Variants in MEIS2 observed in about 807,000 individuals in gnomAD.
MEIS2 encodes homeobox protein Meis2.
MEIS2 carries 9 observed loss-of-function variants against 58.6 expected under a neutral mutation model. The observed-to-expected ratio is 0.15, with a 90% CI of 0.09 to 0.27. The LOEUF (loss-of-function observed/expected upper bound fraction) is 0.27. Among genes scored for constraint, MEIS2 ranks in the 10% least tolerant of loss-of-function variants. The pLI is 1.00. For synonymous variants in MEIS2, 221 were observed against 228.4 expected (o/e 0.97, Z 0.29); for missense variants, 427 against 635.0 (o/e 0.67, Z 3.52).
chr15:36,917,298 T>G (rs1316866415), intron 9 of MEIS2, among the ~76,000 whole-genome samples: 3 of 152,198 alleles, frequency 2.0e-5, no homozygotes, highest in Non-Finnish European at 4.4e-5. Flanking sequence ...TATCTAAATT[T>G]GAAAGCCAGT....
At chr15:36,948,092 C>T (rs1030425544) in intron 9 of MEIS2, among the ~76,000 whole-genome samples, 8 of 151,680 alleles carry the variant, frequency 5.3e-5, no homozygotes, top group Non-Finnish European at 1.2e-4. Flanking sequence ...AGACTTGGAC[C>T]CGAGGGCAGG....
In MEIS2 at chr15:37,098,074, G is replaced by C; in HGVS notation, c.138C>G (p.His46Gln). The C allele has an allele frequency of 6.2e-7, 1 of 1,613,850 alleles. No individual in the cohort carries two copies. The highest frequency in any genetic ancestry group is 2.2e-5 in the East Asian group (1 of 44,872). ...CGTGCGCGCCGTAGTGCTGTGTGGC[G>C]TGGAGCGGCGGCCCGTGGTTCAGGT... ...VHHLNHGPPL[H>Q]ATQHYGAHAP... Residue 46 changes from histidine to glutamine, a missense_variant, in exon 2 of 12, where the codon CAC (histidine) becomes CAG (glutamine). By Grantham distance (24) the His-to-Gln change is conservative. This residue lies in a region of MEIS2 where 103 missense variants were observed against 111.8 expected (regional missense o/e 0.92). Coordinates refer to ENST00000561208, the MANE Select transcript of MEIS2 (RefSeq NM_170675.5).
chr15:37,092,174 C>T (rs1893605135), intron 6 of MEIS2, among the ~76,000 whole-genome samples: 1 of 152,214 alleles, frequency 6.6e-6, no homozygotes, highest in African/African-American at 2.4e-5. Context: ...TTCAACACCG[C>T]AGTATTTATT....
At chr15:36,999,020 T>C (rs1031747456) in intron 8 of MEIS2, among the ~76,000 whole-genome samples, 1 of 152,230 alleles carries the variant, frequency 6.6e-6, no homozygotes, top group Admixed American at 6.5e-5. Flanking sequence ...TGGCTCTTTC[T>C]TCATCTTCAG....
chr15:36,921,042 G>A (rs147660660), intron 9 of MEIS2, among the ~76,000 whole-genome samples: 6 of 152,080 alleles, frequency 3.9e-5, no homozygotes, highest in African/African-American at 1.4e-4. Context: ...TTTTAACCTC[G>A]AAGAGCCAAA....
At chr15:37,060,709 C>T (rs28571575) in intron 7 of MEIS2, among the ~76,000 whole-genome samples, 6,759 of 152,182 alleles carry the variant, frequency 0.044, 212 homozygotes, top group Non-Finnish European at 0.055. Context: ...TTTATGATCT[C>T]GTAATGATTC....
In MEIS2 at chr15:36,896,232, A is replaced by G. The variant is rs563771044; in HGVS notation, c.1036+396T>C. On this transcript the variant is annotated intron_variant, in intron 10 of 11. Transcript: ENST00000561208. ...TAGCCAAAGCAAATGAATGGATACA[A>G]TAAGTTTAACAGCAGATGCTACAGA... Among the ~76,000 whole-genome samples, 5 of 152,352 alleles carry G rather than the reference A, an allele frequency of 3.3e-5. No homozygotes were observed. In the South Asian group the frequency reaches 1.0e-3, roughly 32 times the overall value.
At chr15:37,070,753 A>T (rs559323078) in intron 7 of MEIS2, among the ~76,000 whole-genome samples, 56 of 152,256 alleles carry the variant, frequency 3.7e-4, no homozygotes, top group African/African-American at 1.3e-3. Flanking sequence ...AAAAATTTAT[A>T]AAAATGTGCC....
chr15:36,982,709 T>C (rs1378514454), intron 8 of MEIS2, among the ~76,000 whole-genome samples: 1 of 152,180 alleles, frequency 6.6e-6, no homozygotes, highest in Non-Finnish European at 1.5e-5. Context: ...CTATTTTTAA[T>C]TTTTCTGAGG....
intron 8 of MEIS2, among the ~76,000 whole-genome samples, chr15:37,022,989 C>T (rs2141680692): frequency 6.6e-6 from 1 of 152,196 alleles, no homozygotes; most frequent in East Asian, 1.9e-4. Flanking sequence ...TTGTACAATG[C>T]TTTATTTATT....
rs74008814 is a variant in MEIS2 at position 36,933,860 on chromosome 15, G to C, written c.977+16464C>G. Among the ~76,000 whole-genome samples, 1,209 of 152,254 alleles carry C rather than the reference G, an allele frequency of 7.9e-3. 11 individuals carry two copies. Among genetic ancestry groups the C allele is most frequent in the African/African-American group, 0.026 (1,077 of 41,546 alleles). On this transcript the variant is annotated intron_variant, in intron 9 of 11. Coordinates refer to ENST00000561208, the MANE Select transcript of MEIS2 (RefSeq NM_170675.5). ...TAGGAAACTAAGTCTTGTTGGTAAA[G>C]TGCTCTTCTAATTGGTGCGATACAA... is the stretch of plus-strand genomic sequence containing the variant.
chr15:37,092,070 T>C (rs961414733), intron 6 of MEIS2, among the ~76,000 whole-genome samples: 1 of 152,194 alleles, frequency 6.6e-6, no homozygotes, highest in Non-Finnish European at 1.5e-5. Flanking sequence ...ATCCTTTTGA[T>C]TTCATTACAT....
At chr15:36,902,181 C>T (rs968973190) in intron 9 of MEIS2, among the ~76,000 whole-genome samples, 3 of 152,186 alleles carry the variant, frequency 2.0e-5, no homozygotes, top group Non-Finnish European at 2.9e-5. Flanking sequence ...AGTCAAAATG[C>T]ACCTATCCAA....
At chr15:36,975,186 C>T (rs1031874272) in intron 8 of MEIS2, among the ~76,000 whole-genome samples, 3 of 152,150 alleles carry the variant, frequency 2.0e-5, no homozygotes, top group East Asian at 3.9e-4. Context: ...GTATCTCCTC[C>T]GTGGAATAGC....
At chr15:37,091,629 T>C (rs116702704) in intron 6 of MEIS2, among the ~76,000 whole-genome samples, 2,870 of 152,288 alleles carry the variant, frequency 0.019, 96 homozygotes, top group African/African-American at 0.064. Context: ...AACTTCCTTC[T>C]TGAGTGGATA....
chr15:37,054,956 C>T (rs1051673766), intron 7 of MEIS2, among the ~76,000 whole-genome samples: 1 of 152,216 alleles, frequency 6.6e-6, no homozygotes, highest in Non-Finnish European at 1.5e-5. Context: ...CTTCCAGACA[C>T]TCTGCTAAAC....
At chr15:36,924,889 C>A (rs970229982) in intron 9 of MEIS2, among the ~76,000 whole-genome samples, 10 of 152,214 alleles carry the variant, frequency 6.6e-5, no homozygotes, top group African/African-American at 2.4e-4. Flanking sequence ...TTGATCATCA[C>A]CTTCCTTAAT....
intron 8 of MEIS2, among the ~76,000 whole-genome samples, chr15:36,973,664 A>G (rs747850795): frequency 3.9e-5 from 6 of 152,366 alleles, no homozygotes; most frequent in Middle Eastern, 3.4e-3. Flanking sequence ...TGCTTTGCAC[A>G]TAATAAGAGT....
chr15:37,042,412 A>C (rs2062466848), intron 7 of MEIS2, among the ~76,000 whole-genome samples: 1 of 152,142 alleles, frequency 6.6e-6, no homozygotes, highest in African/African-American at 2.4e-5. Flanking sequence ...ATCCCTGCCA[A>C]AACTGACATT....
Sources: allele counts gnomAD v4.1 joint callset (sites outside exome capture counted in the v4.1 genomes callset), GRCh38; gene constraint gnomAD v4.1.1; regional missense constraint gnomAD v4.1.1; transcripts MANE v1.5; gene names NCBI Gene and HGNC (gene_info 2026-07-23, HGNC 2026-07-21).